ST6GALNAC3: variants seen among roughly 807,000 people sequenced by gnomAD.
ST6GALNAC3 encodes the protein alpha-N-acetylgalactosaminide alpha-2,6-sialyltransferase 3.
ST6GALNAC3 carries 25 observed loss-of-function variants against 32.7 expected under a neutral mutation model. That is an observed-to-expected ratio of 0.76 (90% CI 0.56 to 1.07). The LOEUF is 1.07. ST6GALNAC3 is among the 50% of genes least tolerant of loss of function. The pLI, the probability that ST6GALNAC3 is intolerant of heterozygous loss-of-function variation, is 0.00. For synonymous variants in ST6GALNAC3, 129 were observed against 133.1 expected (o/e 0.97, Z 0.21); for missense variants, 355 against 382.4 (o/e 0.93, Z 0.60).
Position 76,224,108 on chromosome 1 carries a change from C to T in ST6GALNAC3, c.19-89697C>T, listed in dbSNP as rs1271955098. Among the ~76,000 whole-genome samples, 4 of 152,330 alleles carry T rather than the reference C, an allele frequency of 2.6e-5. No homozygotes were observed. In the East Asian group the frequency reaches 7.7e-4, roughly 29 times the overall value. Reference sequence around the variant, plus strand: ...TTCAACATTTCCTGATGCTTCCATACTTCTCTGCCTTTGAACCTGATGATC... The same window carrying T: ...TTCAACATTTCCTGATGCTTCCATATTTCTCTGCCTTTGAACCTGATGATC... On this transcript the variant is annotated intron_variant, in intron 1 of 4. Transcript: ENST00000328299.
At chr1:76,303,440 C>G (rs761798527) in intron 1 of ST6GALNAC3, among the ~76,000 whole-genome samples, 4 of 152,016 alleles carry the variant, frequency 2.6e-5, no homozygotes, top group Non-Finnish European at 5.9e-5. Context: ...GCCTTAGGTT[C>G]CCTGCCTCCA....
chr1:76,335,234 C>A (rs565637637), intron 2 of ST6GALNAC3, among the ~76,000 whole-genome samples: 1 of 152,054 alleles, frequency 6.6e-6, no homozygotes, highest in African/African-American at 2.4e-5. Context: ...TCATACCTGG[C>A]GGGTTATTGT....
chr1:76,147,828 T>C (rs556589423), intron 1 of ST6GALNAC3, among the ~76,000 whole-genome samples: 1 of 152,244 alleles, frequency 6.6e-6, no homozygotes, highest in East Asian at 1.9e-4. Context: ...CACTCTCTTT[T>C]AGCCCTCAAT....
intron 1 of ST6GALNAC3, among the ~76,000 whole-genome samples, chr1:76,284,026 G>T (rs557409845): frequency 6.6e-6 from 1 of 152,166 alleles, no homozygotes; most frequent in African/African-American, 2.4e-5. Context: ...GTTGGGATTG[G>T]ATCAAACCAA....
At chr1:76,346,402 T>G (rs1254610662) in intron 2 of ST6GALNAC3, among the ~76,000 whole-genome samples, 2 of 152,196 alleles carry the variant, frequency 1.3e-5, no homozygotes, top group African/African-American at 4.8e-5. Context: ...TTAGGACACC[T>G]GTCCGAAAGG....
intron 1 of ST6GALNAC3, among the ~76,000 whole-genome samples, chr1:76,083,681 AAT>A (rs752408659): frequency 2.0e-5 from 3 of 152,256 alleles, no homozygotes; most frequent in Non-Finnish European, 4.4e-5. Context: ...AAACATGTAG[AAT>A]TTAATAATGT....
chr1:76,475,232 T>C (rs1274880763), intron 3 of ST6GALNAC3, among the ~76,000 whole-genome samples: 1 of 152,140 alleles, frequency 6.6e-6, no homozygotes, highest in Non-Finnish European at 1.5e-5. Context: ...GAGGCTACAG[T>C]GTAGTGTAGC....
intron 1 of ST6GALNAC3, among the ~76,000 whole-genome samples, chr1:76,138,874 C>A (rs972737138): frequency 6.6e-6 from 1 of 152,038 alleles, no homozygotes; most frequent in African/African-American, 2.4e-5. Flanking sequence ...TTTTTTACCC[C>A]TGAGAATAAA....
chr1:76,343,802 C>T (rs142681298), intron 2 of ST6GALNAC3, among the ~76,000 whole-genome samples: 136 of 152,194 alleles, frequency 8.9e-4, no homozygotes, highest in Admixed American at 4.1e-3. Context: ...GTTAATGCCA[C>T]AGAATAGCAG....
At chr1:76,175,752 C>T (rs2100439838) in intron 1 of ST6GALNAC3, among the ~76,000 whole-genome samples, 1 of 151,928 alleles carries the variant, frequency 6.6e-6, no homozygotes, top group African/African-American at 2.4e-5. Flanking sequence ...CTGCAGTACC[C>T]CTTGGTCACT....
intron 3 of ST6GALNAC3, among the ~76,000 whole-genome samples, chr1:76,479,303 TA>T (rs879800038): frequency 6.6e-6 from 1 of 152,152 alleles, no homozygotes; most frequent in Admixed American, 6.6e-5. Flanking sequence ...CTCATACAAT[TA>T]AATGAGATCT....
chr1:76,291,755 T>TA (rs34393802), intron 1 of ST6GALNAC3, among the ~76,000 whole-genome samples: 23 of 151,240 alleles, frequency 1.5e-4, no homozygotes, highest in Admixed American at 5.3e-4. Flanking sequence ...AGGAATTTAA[T>TA]AAAAAAAAAG....
chr1:76,403,541 A>T, intron 2 of ST6GALNAC3, among the ~76,000 whole-genome samples: 1 of 152,116 alleles, frequency 6.6e-6, no homozygotes, highest in East Asian at 1.9e-4. Context: ...GTGGGACTTA[A>T]ACAAAATTAT....
intron 1 of ST6GALNAC3, among the ~76,000 whole-genome samples, chr1:76,093,379 T>C (rs750725683): frequency 6.6e-6 from 1 of 152,184 alleles, no homozygotes; most frequent in African/African-American, 2.4e-5. Flanking sequence ...AAGGAAAATA[T>C]AGAAAGATAG....
intron 3 of ST6GALNAC3, among the ~76,000 whole-genome samples, chr1:76,565,195 TG>T (rs113977968): frequency 1.1e-4 from 16 of 152,260 alleles, no homozygotes; most frequent in African/African-American, 3.8e-4. Flanking sequence ...TGACAACAAC[TG>T]AGGACACACC....
At chr1:76,161,557 A>T (rs1651813232) in intron 1 of ST6GALNAC3, among the ~76,000 whole-genome samples, 1 of 152,170 alleles carries the variant, frequency 6.6e-6, no homozygotes, top group South Asian at 2.1e-4. Flanking sequence ...TCTCTCTGCT[A>T]ATCACCCAAG....
At chr1:76,588,359 ACAGAAAACTC>A (rs1646995917) in intron 3 of ST6GALNAC3, among the ~76,000 whole-genome samples, 1 of 151,990 alleles carries the variant, frequency 6.6e-6, no homozygotes. Flanking sequence ...CTTTTCTACC[ACAGAAAACTC>A]CAGTGTCTTT....
At chr1:76,354,181 A>G (rs567812788) in intron 2 of ST6GALNAC3, 6 of 152,516 alleles carry the variant, frequency 3.9e-5, no homozygotes, top group Non-Finnish European at 7.3e-5. Flanking sequence ...TGATTCTATC[A>G]TAGCAGCCCC....
At chr1:76,490,699 A>G (rs1412853545) in intron 3 of ST6GALNAC3, among the ~76,000 whole-genome samples, 1 of 151,946 alleles carries the variant, frequency 6.6e-6, no homozygotes, top group Non-Finnish European at 1.5e-5. Flanking sequence ...GGTCTCTTAA[A>G]GAATAAAATG....
Sources: allele counts gnomAD v4.1 joint callset (sites outside exome capture counted in the v4.1 genomes callset), GRCh38; gene constraint gnomAD v4.1.1; transcripts MANE v1.5; gene names NCBI Gene and HGNC (gene_info 2026-07-23, HGNC 2026-07-21).